Variants in CAST observed in about 807,000 individuals in gnomAD.
CAST encodes calpastatin.
Under a neutral mutation model 119.6 loss-of-function variants are expected in CAST, and 76 were observed. That is an observed-to-expected ratio of 0.64 (90% confidence interval 0.53 to 0.77). CAST has a LOEUF of 0.77. Among genes scored for constraint, CAST ranks in the 30% least tolerant of loss-of-function variants. The pLI is 0.00. For synonymous variants in CAST, 319 were observed against 331.6 expected (o/e 0.96, Z 0.41); for missense variants, 953 against 946.5 (o/e 1.01, Z -0.09).
the CAST span, among the ~76,000 whole-genome samples, chr5:96,328,785 C>T: frequency 6.6e-6 from 1 of 152,158 alleles, no homozygotes; most frequent in African/African-American, 2.4e-5. Context: ...AACTTACCTT[C>T]CCTTTCTCAT....
chr5:96,120,158 T>TAA, the CAST span, among the ~76,000 whole-genome samples: 2 of 152,140 alleles, frequency 1.3e-5, no homozygotes, highest in Admixed American at 1.3e-4. Flanking sequence ...TTTGGGGTGT[T>TAA]ATCTCTCTCC....
At chr5:96,605,582 T>C (rs1461193335) in intron 1 of CAST, among the ~76,000 whole-genome samples, 1 of 152,088 alleles carries the variant, frequency 6.6e-6, no homozygotes, top group Non-Finnish European at 1.5e-5. Flanking sequence ...TGAAAAAAAA[T>C]AGATTACTCA....
the CAST span, chr5:96,408,308 GC>G: frequency 6.2e-7 from 1 of 1,613,714 alleles, no homozygotes; most frequent in Non-Finnish European, 8.5e-7. Flanking sequence ...CAGTCATTGT[GC>G]AGGTCAGCGC....
the CAST span, among the ~76,000 whole-genome samples, chr5:96,028,604 A>G: frequency 6.6e-6 from 1 of 152,076 alleles, no homozygotes; most frequent in Non-Finnish European, 1.5e-5. Context: ...TGCATTCAAA[A>G]TAAAATTGTT....
At chr5:96,317,113 A>G in the CAST span, among the ~76,000 whole-genome samples, 1 of 152,122 alleles carries the variant, frequency 6.6e-6, no homozygotes, top group Non-Finnish European at 1.5e-5. Context: ...TACCACACAC[A>G]TTTGACATTT....
chr5:96,104,556 G>A, the CAST span, among the ~76,000 whole-genome samples: 352 of 151,870 alleles, frequency 2.3e-3, 2 homozygotes, highest in African/African-American at 7.9e-3. Context: ...GATATGCGGC[G>A]TTATTTCTGA....
chr5:96,159,964 TA>T, the CAST span, among the ~76,000 whole-genome samples: 2 of 94,632 alleles, frequency 2.1e-5, no homozygotes, highest in Non-Finnish European at 4.7e-5. Flanking sequence ...AACCTGTCTC[TA>T]CTAAAAAAAA....
chr5:95,975,282 G>A, the CAST span, among the ~76,000 whole-genome samples: 12 of 152,252 alleles, frequency 7.9e-5, no homozygotes, highest in South Asian at 8.3e-4. Context: ...TTGGGTTGGC[G>A]ATACCCTAGG....
rs971425204 is a variant in CAST at position 96,703,037 on chromosome 5, C to T, written c.210+7130C>T. 1.8e-5 allele frequency: 13 copies of T among 705,796 alleles called. 1 individual carries two copies. In the Admixed American group the frequency reaches 6.9e-4, roughly 37 times the overall value. The allele number at this position is 705,796 out of a possible 1,614,324, so 43.7% of individuals were successfully genotyped here. On this transcript the variant is annotated intron_variant, in intron 3 of 31. Coordinates refer to ENST00000675179, the MANE Select transcript of CAST (RefSeq NM_001750.7). ...GTCCCTGCAGCGGACTCCCCAGGCT[C>T]GGGACGTGCGCTTTTCCTACTATCG...
the CAST span, among the ~76,000 whole-genome samples, chr5:96,203,276 A>G: frequency 6.6e-6 from 1 of 151,768 alleles, no homozygotes; most frequent in Admixed American, 6.6e-5. Context: ...GTTGCTTTTA[A>G]TCTTTTCATT....
At chr5:96,375,066 T>A in the CAST span, among the ~76,000 whole-genome samples, 2 of 152,208 alleles carry the variant, frequency 1.3e-5, no homozygotes, top group Admixed American at 6.5e-5. Flanking sequence ...TCAAATTAGT[T>A]AGAAATCATC....
At chr5:96,330,206 A>G in the CAST span, among the ~76,000 whole-genome samples, 1 of 152,054 alleles carries the variant, frequency 6.6e-6, no homozygotes. Context: ...TTTTTAAAAA[A>G]CCATTTAAAA....
chr5:96,127,788 A>C, the CAST span, among the ~76,000 whole-genome samples: 2 of 152,246 alleles, frequency 1.3e-5, no homozygotes, highest in South Asian at 2.1e-4. Flanking sequence ...ATAGTGCATT[A>C]AATATAAATC....
intron 2 of CAST, chr5:96,679,643 A>G (rs1751110399): frequency 1.3e-5 from 2 of 152,234 alleles, no homozygotes; most frequent in African/African-American, 4.8e-5. Flanking sequence ...ATGAGTAAAG[A>G]AAACACAAAT....
intron 1 of CAST, among the ~76,000 whole-genome samples, chr5:96,664,601 C>T (rs1304085952): frequency 6.6e-6 from 1 of 152,096 alleles, no homozygotes; most frequent in Non-Finnish European, 1.5e-5. Context: ...CTGTGGAGAA[C>T]AAAGAGTTTT....
In CAST at chr5:96,750,810, T is replaced by G. The variant is rs934440476; in HGVS notation, c.1524+128T>G. On this transcript the variant is annotated intron_variant, in intron 20 of 31. Coordinates refer to ENST00000675179, the MANE Select transcript of CAST (RefSeq NM_001750.7). ...AATTAAAAATAAAATCTGATATCATTATAGTATCTGTTGTTTCTTTGGGCT... is the reference window on the plus strand; with the variant it reads ...AATTAAAAATAAAATCTGATATCATGATAGTATCTGTTGTTTCTTTGGGCT... 3 of 526,932 alleles carry G rather than the reference T, an allele frequency of 5.7e-6. No homozygotes were observed. In the African/African-American group the frequency reaches 5.8e-5, roughly 10 times the overall value. 32.6% of individuals were successfully genotyped at this position (526,932 alleles called of 1,614,324 possible). A position where few individuals can be genotyped will look rare whatever the true frequency, so the allele number is the denominator to read the frequency against.
intron 1 of CAST, among the ~76,000 whole-genome samples, chr5:96,541,183 T>C (rs1003527574): frequency 2.6e-5 from 4 of 152,222 alleles, no homozygotes; most frequent in African/African-American, 7.2e-5. Flanking sequence ...ATGTGTATCA[T>C]TATGGTCTCA....
At chr5:96,653,658 T>G (rs1454982194) in intron 1 of CAST, among the ~76,000 whole-genome samples, 1 of 152,232 alleles carries the variant, frequency 6.6e-6, no homozygotes, top group Non-Finnish European at 1.5e-5. Flanking sequence ...AAAAGCTCTT[T>G]TCTTTTTCTT....
chr5:96,375,901 A>C, the CAST span, among the ~76,000 whole-genome samples: 35,978 of 141,878 alleles, frequency 0.25, 4,476 homozygotes, highest in African/African-American at 0.33. Flanking sequence ...CTCTCTCTCT[A>C]TATATATATA....
Sources: gnomAD v4.1 joint callset for allele counts (sites outside exome capture counted in the v4.1 genomes callset) on GRCh38, gnomAD v4.1.1 for gene constraint, MANE v1.5 for transcripts, NCBI Gene and HGNC (gene_info 2026-07-23, HGNC 2026-07-21) for gene names.